RAB6A: variants seen among roughly 807,000 people sequenced by gnomAD.
The protein encoded by RAB6A is ras-related protein Rab-6A.
Under a neutral mutation model 32.3 loss-of-function variants are expected in RAB6A, and 8 were observed. That is an observed-to-expected ratio of 0.25 (90% CI 0.15 to 0.45). RAB6A has a LOEUF of 0.45. RAB6A is among the 20% of genes least tolerant of loss of function. The pLI is 1.00. For synonymous variants in RAB6A, 73 were observed against 82.1 expected, an observed-to-expected ratio of 0.89 and a Z score of 0.60; for missense variants, 104 against 249.4, an observed-to-expected ratio of 0.42 and a Z score of 3.93.
intron 1 of RAB6A, among the ~76,000 whole-genome samples, chr11:73,754,916 T>C (rs1946723603): frequency 6.6e-6 from 1 of 150,624 alleles, no homozygotes; most frequent in Non-Finnish European, 1.5e-5. Context: ...ATGCAATGGG[T>C]TTATTATTAT....
At chr11:73,693,599 C>T (rs888534843) in intron 6 of RAB6A, among the ~76,000 whole-genome samples, 18 of 144,194 alleles carry the variant, frequency 1.2e-4, no homozygotes, top group Middle Eastern at 3.7e-3. Flanking sequence ...GAAAAGAAAG[C>T]GACAGGCTGG....
At chr11:73,731,684 T>TAA (rs1318187273) in intron 1 of RAB6A, among the ~76,000 whole-genome samples, 1,303 of 13,836 alleles carry the variant, frequency 0.094, 91 homozygotes, top group East Asian at 0.23. Flanking sequence ...TAGATAGATA[T>TAA]TATATATATA....
intron 3 of RAB6A, 146 bp from the exon 4 acceptor site, chr11:73,718,864 C>T (rs756860407): frequency 1.9e-6 from 3 of 1,612,968 alleles, no homozygotes; most frequent in Non-Finnish European, 2.5e-6. Flanking sequence ...GTTCCTGACC[C>T]GCAGTATCCC....
chr11:73,757,127 ATATTTTTTTTTT>A (rs1590899479), intron 1 of RAB6A, among the ~76,000 whole-genome samples: 2 of 38,792 alleles, frequency 5.2e-5, no homozygotes, highest in African/African-American at 1.3e-4. Flanking sequence ...ATATATATAT[ATATTTTTTTTTT>A]TTTTTTTTTT....
chr11:73,707,125 GAAAAAAAAAA>G (rs397744539), intron 6 of RAB6A, among the ~76,000 whole-genome samples: 1 of 116,256 alleles, frequency 8.6e-6, no homozygotes, highest in Non-Finnish European at 1.7e-5. Context: ...TCTCAAAAAA[GAAAAAAAAAA>G]AAAAAAAGAA....
chr11:73,695,449 G>A (rs1215406331), intron 6 of RAB6A, among the ~76,000 whole-genome samples: 3 of 151,162 alleles, frequency 2.0e-5, no homozygotes, highest in South Asian at 4.2e-4. Context: ...GCGCAATCTC[G>A]GCTCACTGCA....
At chr11:73,740,803 G>A (rs1158533479) in intron 1 of RAB6A, among the ~76,000 whole-genome samples, 1 of 151,592 alleles carries the variant, frequency 6.6e-6, no homozygotes, top group Non-Finnish European at 1.5e-5. Flanking sequence ...CAGGACAATC[G>A]CTTAAACCTG....
chr11:73,679,569 T>C (rs1169495690), intron 7 of RAB6A, 85 bp downstream of exon 7: 2 of 1,522,264 alleles, frequency 1.3e-6, no homozygotes, highest in African/African-American at 2.7e-5. Flanking sequence ...TAAAAGGCAA[T>C]GGCACAATAT....
At chr11:73,747,287 T>A (rs889801623) in intron 1 of RAB6A, among the ~76,000 whole-genome samples, 2 of 149,896 alleles carry the variant, frequency 1.3e-5, no homozygotes, top group African/African-American at 4.9e-5. Context: ...CTCACTGCAA[T>A]CTCCACCTCC....
At chr11:73,704,960 C>T (rs1945813769) in intron 6 of RAB6A, among the ~76,000 whole-genome samples, 1 of 152,010 alleles carries the variant, frequency 6.6e-6, no homozygotes, top group Non-Finnish European at 1.5e-5. Context: ...CACGCCACTG[C>T]ACTCCAGCCT....
chr11:73,734,890 A>C (rs2134980643), intron 1 of RAB6A, among the ~76,000 whole-genome samples: 1 of 152,300 alleles, frequency 6.6e-6, no homozygotes, highest in South Asian at 2.1e-4. Context: ...AGAACCATAA[A>C]TATTTCAGAT....
chr11:73,732,937 C>T (rs71479542), intron 1 of RAB6A, among the ~76,000 whole-genome samples: 210 of 151,712 alleles, frequency 1.4e-3, no homozygotes, highest in Non-Finnish European at 2.6e-3. Context: ...CTCAGCCTCC[C>T]GAGTATCTGA....
intron 1 of RAB6A, among the ~76,000 whole-genome samples, chr11:73,739,267 A>T (rs1177495845): frequency 2.6e-4 from 4 of 15,528 alleles, no homozygotes; most frequent in African/African-American, 6.4e-4. Context: ...AATAATTAAA[A>T]AAAAAAAAAA....
intron 1 of RAB6A, among the ~76,000 whole-genome samples, chr11:73,739,778 C>T (rs567020184): frequency 2.6e-5 from 4 of 152,030 alleles, no homozygotes; most frequent in South Asian, 4.1e-4. Context: ...AGCCTCAGGC[C>T]GGGCCCGGTG....
At chr11:73,707,801 G>A (rs542167103) in intron 5 of RAB6A, among the ~76,000 whole-genome samples, 4 of 152,082 alleles carry the variant, frequency 2.6e-5, no homozygotes, top group South Asian at 2.1e-4. Flanking sequence ...GGATGCTCGA[G>A]CCCAGGAATG....
chr11:73,754,330 C>T (rs1326676891), intron 1 of RAB6A, among the ~76,000 whole-genome samples: 2 of 152,152 alleles, frequency 1.3e-5, no homozygotes, highest in Non-Finnish European at 2.9e-5. Flanking sequence ...GTCTACTGAC[C>T]CCTTAGGATC....
At chr11:73,705,767 T>A (rs1464218229) in intron 6 of RAB6A, among the ~76,000 whole-genome samples, 2 of 134,728 alleles carry the variant, frequency 1.5e-5, no homozygotes, top group Admixed American at 7.6e-5. Context: ...ATAATTCCGA[T>A]GAGAGAGAGA....
At position 73,707,467 on chromosome 11, in the gene RAB6A, C is replaced by T. The variant is rs1377487695; in HGVS notation, c.448G>A (p.Val150Ile). 1.9e-6 allele frequency: 3 copies of T among 1,613,758 alleles called. No homozygotes were observed. In the African/African-American group the frequency reaches 4.0e-5, roughly 22 times the overall value. The change falls in exon 6 of 8, where the codon GTT (valine) becomes ATT (isoleucine). Residue 150 changes from valine to isoleucine, a missense_variant. By Grantham distance (29) the Val-to-Ile change is conservative (BLOSUM62 3). Around this residue, in one of 4 missense-constraint regions of RAB6A, gnomAD observed 33 missense variants for 59.5 expected, o/e 0.55. Coordinates refer to ENST00000336083, the MANE Select transcript of RAB6A (RefSeq NM_198896.2). ...TTTGCACTAGTTTCAATAAACATAACATTCAGCTCTTTGGCTTTCCTCTCT... is the reference window on the plus strand; with the variant it reads ...TTTGCACTAGTTTCAATAAACATAATATTCAGCTCTTTGGCTTTCCTCTCT... The part of the protein sequence containing the change: ...EGERKAKELN[V>I]MFIETSAKAG...
chr11:73,692,492 GAC>G (rs1356672890), intron 6 of RAB6A, among the ~76,000 whole-genome samples: 1 of 102,880 alleles, frequency 9.7e-6, no homozygotes, highest in Non-Finnish European at 1.8e-5. Flanking sequence ...GACAGAGTGA[GAC>G]TCTGTCTCAA....
Sources: gnomAD v4.1 joint callset for allele counts (sites outside exome capture counted in the v4.1 genomes callset) on GRCh38, gnomAD v4.1.1 for gene constraint, gnomAD v4.1.1 regional missense constraint, MANE v1.5 for transcripts, NCBI Gene and HGNC (gene_info 2026-07-23, HGNC 2026-07-21) for gene names.